COL23A1: variants seen among roughly 807,000 people sequenced by gnomAD.
COL23A1 encodes collagen alpha-1(XXIII) chain.
A neutral mutation model predicts 99.3 loss-of-function variants in COL23A1; 97 were observed. The ratio of observed to expected loss-of-function variants is 0.98; its 90% CI spans 0.83 to 1.16. The LOEUF is 1.16. COL23A1 is among the 50% of genes most tolerant of loss of function. The probability of loss-of-function intolerance (pLI) is 0.00; values close to 1 mark genes in which losing one functional copy is unlikely to be tolerated. For missense variants in COL23A1, 762 were observed against 757.4 expected (o/e 1.01, Z -0.07); for synonymous variants, 320 against 308.2 (o/e 1.04, Z -0.40).
At chr5:178,369,586 G>A (rs1055865869) in intron 2 of COL23A1, among the ~76,000 whole-genome samples, 6 of 152,160 alleles carry the variant, frequency 3.9e-5, no homozygotes, top group African/African-American at 1.2e-4. Context: ...AATCATGGGG[G>A]CAGGTCATTC....
At chr5:178,526,872 T>C (rs1379338529) in intron 2 of COL23A1, among the ~76,000 whole-genome samples, 1 of 152,186 alleles carries the variant, frequency 6.6e-6, no homozygotes, top group African/African-American at 2.4e-5. Flanking sequence ...GCTCCTGCAC[T>C]CCTGTTTATT....
chr5:178,274,393 G>A (rs896966644), intron 5 of COL23A1, among the ~76,000 whole-genome samples: 2 of 152,228 alleles, frequency 1.3e-5, no homozygotes, highest in Non-Finnish European at 2.9e-5. Context: ...TGGAGCCAAG[G>A]AATGCATGGG....
At chr5:178,450,681 G>A (rs1262697743) in intron 2 of COL23A1, among the ~76,000 whole-genome samples, 1 of 152,218 alleles carries the variant, frequency 6.6e-6, no homozygotes, top group Non-Finnish European at 1.5e-5. Context: ...CATGTTAATA[G>A]TAACAATAGC....
At chr5:178,543,193 C>T (rs563343513) in intron 2 of COL23A1, among the ~76,000 whole-genome samples, 2 of 151,984 alleles carry the variant, frequency 1.3e-5, no homozygotes, top group South Asian at 2.1e-4. Context: ...CTGCAACCTC[C>T]GCCTCCCAGG....
chr5:178,258,143 G>A (rs1765411024), intron 12 of COL23A1, among the ~76,000 whole-genome samples: 1 of 151,612 alleles, frequency 6.6e-6, no homozygotes, highest in Non-Finnish European at 1.5e-5. Context: ...AGCTATTTGA[G>A]AGGCTGAGGT....
chr5:178,491,375 C>T (rs908658030), intron 2 of COL23A1, among the ~76,000 whole-genome samples: 5 of 152,178 alleles, frequency 3.3e-5, no homozygotes, highest in Admixed American at 6.5e-5. Context: ...GCCCCTCCCA[C>T]GTGAGCTCAC....
In COL23A1 at chr5:178,415,745, A is replaced by G. The variant is rs1367657793; in HGVS notation, c.362-108826T>C. ...CACAAGGGGATGCAGAAGAGTGAGC[A>G]CGAGGTTCTTGCCCACAGAGAGCTC... On this transcript the variant is annotated intron_variant, in intron 2 of 28. Transcript: ENST00000390654. The surrounding 1 kb of genome is among the most constrained non-coding windows in gnomAD (Gnocchi z 4.6). Among the ~76,000 whole-genome samples the G allele has an allele frequency of 6.6e-6, 1 of 152,194 alleles. No individual in the cohort carries two copies. The highest frequency in any genetic ancestry group is 1.5e-5 in the Non-Finnish European group (1 of 68,024).
At chr5:178,393,241 A>G (rs1291955608) in intron 2 of COL23A1, among the ~76,000 whole-genome samples, 1 of 152,178 alleles carries the variant, frequency 6.6e-6, no homozygotes, top group Non-Finnish European at 1.5e-5. Flanking sequence ...GACAGCACGG[A>G]TGGACCTTGA....
chr5:178,426,123 T>C lies in COL23A1; in HGVS notation c.362-119204A>G, dbSNP rs1005514789. Among the ~76,000 whole-genome samples the C allele has an allele frequency of 1.2e-4, 19 of 152,296 alleles. 1 individual carries two copies. The highest frequency in any genetic ancestry group is 1.2e-3 in the South Asian group (6 of 4,826). On this transcript the variant is annotated intron_variant, in intron 2 of 28. Transcript: ENST00000390654. ...GTGTGGTCAGGAAAGGCAGCAGAGA[T>C]GTTAGACATCAGGCATTTTGTATAC...
intron 2 of COL23A1, among the ~76,000 whole-genome samples, chr5:178,368,232 G>A (rs1037776574): frequency 7.2e-5 from 11 of 152,176 alleles, no homozygotes; most frequent in Non-Finnish European, 8.8e-5. Context: ...GGTTAAGGGG[G>A]AGGAATACCA....
intron 5 of COL23A1, among the ~76,000 whole-genome samples, chr5:178,285,571 T>C (rs972637154): frequency 1.3e-5 from 2 of 152,358 alleles, no homozygotes; most frequent in Non-Finnish European, 1.5e-5. Context: ...GTGATATTTA[T>C]AGAAGGGCTG....
rs1438982098 is a variant in COL23A1 at position 178,255,321 on chromosome 5, G to C, written c.883-295C>G. 6.6e-6 allele frequency among the ~76,000 whole-genome samples: 1 copy of C among 152,178 alleles called. No homozygotes were observed. Among genetic ancestry groups the C allele is most frequent in the East Asian group, 1.9e-4 (1 of 5,188 alleles). On this transcript the variant is annotated intron_variant, in intron 15 of 28. Coordinates refer to ENST00000390654, the MANE Select transcript of COL23A1 (RefSeq NM_173465.4). The surrounding 1 kb of genome is among the most constrained non-coding windows in gnomAD (Gnocchi z 4.2). Reference sequence around the variant, plus strand: ...ATGGAAAGCCTGATTTTGATGTGACGCTCTTCAGATTTTTCAATGTTGGCA... The same window carrying C: ...ATGGAAAGCCTGATTTTGATGTGACCCTCTTCAGATTTTTCAATGTTGGCA...
intron 1 of COL23A1, among the ~76,000 whole-genome samples, chr5:178,577,346 G>C (rs1329173150): frequency 6.6e-6 from 1 of 152,218 alleles, no homozygotes; most frequent in African/African-American, 2.4e-5. Context: ...ACAACGACCT[G>C]TGCCACCTCA....
intron 18 of COL23A1, 67 bp downstream of exon 18, chr5:178,249,994 C>T (rs1764945750): frequency 3.2e-6 from 5 of 1,549,056 alleles, no homozygotes; most frequent in East Asian, 2.3e-5. Flanking sequence ...CGCACACACA[C>T]ACACACACAC....
intron 2 of COL23A1, chr5:178,443,183 A>G (rs960148834): frequency 5.9e-5 from 9 of 152,132 alleles, no homozygotes; most frequent in African/African-American, 1.9e-4. Flanking sequence ...CTGCGGCAGA[A>G]CCCATGTGAA....
At chr5:178,466,880 T>C (rs2647700) in intron 2 of COL23A1, among the ~76,000 whole-genome samples, 141,970 of 152,316 alleles carry the variant, frequency 0.93, 66,273 homozygotes, top group East Asian at 1. Flanking sequence ...GAATGGATAC[T>C]GGAGTTAGGA....
chr5:178,318,719 G>A (rs1339504948), intron 2 of COL23A1, among the ~76,000 whole-genome samples: 2 of 152,178 alleles, frequency 1.3e-5, no homozygotes, highest in African/African-American at 4.8e-5. Flanking sequence ...CTGCCCAAAT[G>A]GCGAAACCCC....
At chr5:178,532,283 G>T (rs1760690879) in intron 2 of COL23A1, among the ~76,000 whole-genome samples, 1 of 152,206 alleles carries the variant, frequency 6.6e-6, no homozygotes, top group Non-Finnish European at 1.5e-5. Context: ...CCATGTCTTG[G>T]GCAAGGCCCC....
chr5:178,454,354 T>C (rs1295278526), intron 2 of COL23A1, among the ~76,000 whole-genome samples: 1 of 152,242 alleles, frequency 6.6e-6, no homozygotes, highest in Non-Finnish European at 1.5e-5. Flanking sequence ...TCACTTTCTC[T>C]ATGGTTATCA....
Sources: gnomAD v4.1 joint callset for allele counts (sites outside exome capture counted in the v4.1 genomes callset) on GRCh38, gnomAD v4.1.1 for gene constraint, Gnocchi (gnomAD v3.1) non-coding constraint, MANE v1.5 for transcripts, NCBI Gene and HGNC (gene_info 2026-07-23, HGNC 2026-07-21) for gene names.